TMEM117: variants seen among roughly 807,000 people sequenced by gnomAD.
The protein encoded by TMEM117 is transmembrane protein 117.
TMEM117 carries 27 observed loss-of-function variants against 52.4 expected under a neutral mutation model. That is an observed-to-expected ratio of 0.51 (90% CI 0.38 to 0.71). The LOEUF is 0.71. Among genes scored for constraint, TMEM117 ranks in the 30% least tolerant of loss-of-function variants. The pLI, the probability that TMEM117 is intolerant of heterozygous loss-of-function variation, is 0.00. For synonymous variants in TMEM117, 215 were observed against 206.3 expected, an observed-to-expected ratio of 1.04 and a Z score of -0.36; for missense variants, 556 against 630.5, an observed-to-expected ratio of 0.88 and a Z score of 1.26.
chr12:43,938,626 T>C (rs1944992330), intron 2 of TMEM117, among the ~76,000 whole-genome samples: 1 of 152,190 alleles, frequency 6.6e-6, no homozygotes, highest in South Asian at 2.1e-4. Context: ...CAGGCTTTGC[T>C]TGAAGTCATT....
chr12:43,996,918 CAGTA>C (rs1338877647), intron 3 of TMEM117, among the ~76,000 whole-genome samples: 1 of 152,044 alleles, frequency 6.6e-6, no homozygotes, highest in Non-Finnish European at 1.5e-5. Flanking sequence ...TTGTTGGTGT[CAGTA>C]AGAGGAAATT....
At position 44,389,211 on chromosome 12, in the gene TMEM117, T is replaced by C. The variant is rs546893777; in HGVS notation, c.*539T>C. Reference sequence around the variant, plus strand: ...GCAGAGAAACATGGTGATCACCTTTTAATTTTTATTGGCTGTCTGCCAAAT... The same window carrying C: ...GCAGAGAAACATGGTGATCACCTTTCAATTTTTATTGGCTGTCTGCCAAAT... On this transcript the variant is annotated 3_prime_UTR_variant, in exon 8 of 8. Transcript: ENST00000266534. The C allele has an allele frequency of 4.5e-5, 7 of 154,854 alleles. No individual in the cohort carries two copies. Among genetic ancestry groups the C allele is most frequent in the African/African-American group, 1.7e-4 (7 of 41,574 alleles). 9.6% of individuals were successfully genotyped at this position (154,854 alleles called of 1,614,324 possible).
chr12:44,241,470 G>T (rs1233770263), intron 5 of TMEM117, among the ~76,000 whole-genome samples: 1 of 151,898 alleles, frequency 6.6e-6, no homozygotes, highest in Non-Finnish European at 1.5e-5. Flanking sequence ...ATTATTTGGT[G>T]ATAGTGGACA....
intron 3 of TMEM117, among the ~76,000 whole-genome samples, chr12:44,028,556 G>A (rs916201309): frequency 3.3e-5 from 5 of 152,166 alleles, no homozygotes; most frequent in African/African-American, 1.2e-4. Context: ...CCACTAGAGT[G>A]GCCTCGGTCG....
Position 44,084,413 on chromosome 12 carries a change from A to G in TMEM117, c.411-59112A>G, listed in dbSNP as rs564962802. Among the ~76,000 whole-genome samples the G allele has an allele frequency of 1.3e-4, 20 of 152,264 alleles. No homozygotes were observed. In the South Asian group the frequency reaches 4.2e-3, roughly 32 times the overall value. On this transcript the variant is annotated intron_variant, in intron 3 of 7. Transcript: ENST00000266534. The stretch of plus-strand genomic sequence containing the variant: ...ATCATTATGCCATTATCAATATAAC[A>G]TACTATCGATAAAAAGGTACTTAAA...
chr12:43,915,683 C>T (rs1944589505), intron 2 of TMEM117, among the ~76,000 whole-genome samples: 1 of 149,040 alleles, frequency 6.7e-6, no homozygotes, highest in African/African-American at 2.5e-5. Flanking sequence ...AGGCTTGTTT[C>T]TATTATTAAA....
chr12:43,818,472 G>A, the TMEM117 span, among the ~76,000 whole-genome samples: 9 of 149,372 alleles, frequency 6.0e-5, no homozygotes, highest in East Asian at 2.0e-4. Context: ...ATGGAATCGC[G>A]CTCTGTCGCC....
At position 43,836,741 on chromosome 12, in the gene TMEM117, C is replaced by A. The variant is rs143678707; in HGVS notation, c.-29+545C>A. ...TTCATTCCTATTTTTGAAAATGCCA[C>A]AGGCCCACAAGTGTGTTCTACCCTC... On this transcript the variant is annotated intron_variant, in intron 1 of 7. Coordinates refer to ENST00000266534, the MANE Select transcript of TMEM117 (RefSeq NM_032256.3). Among the ~76,000 whole-genome samples the A allele has an allele frequency of 1.1e-3, 167 of 152,130 alleles. 1 individual carries two copies. The highest frequency in any genetic ancestry group is 3.6e-3 in the African/African-American group (150 of 41,488).
chr12:43,987,195 C>T (rs969298675), intron 3 of TMEM117, among the ~76,000 whole-genome samples: 3 of 152,184 alleles, frequency 2.0e-5, no homozygotes, highest in Non-Finnish European at 2.9e-5. Flanking sequence ...GTGTGGAACA[C>T]ACACCAAGAA....
At chr12:44,192,035 G>A (rs571283549) in intron 4 of TMEM117, among the ~76,000 whole-genome samples, 39 of 152,246 alleles carry the variant, frequency 2.6e-4, no homozygotes, top group Admixed American at 1.3e-3. Context: ...TAAATTTAAT[G>A]TATAAGGGTA....
chr12:43,921,757 G>A (rs1416311224), intron 2 of TMEM117, among the ~76,000 whole-genome samples: 1 of 152,124 alleles, frequency 6.6e-6, no homozygotes, highest in African/African-American at 2.4e-5. Context: ...GGAAGGAAAA[G>A]TTTTTATGTT....
At chr12:44,338,876 A>G (rs1292672063) in intron 6 of TMEM117, among the ~76,000 whole-genome samples, 9 of 152,086 alleles carry the variant, frequency 5.9e-5, no homozygotes, top group African/African-American at 1.4e-4. Flanking sequence ...GGCAAAATTC[A>G]TTTTGAAATT....
intron 4 of TMEM117, among the ~76,000 whole-genome samples, chr12:44,152,630 CAT>C (rs1244349476): frequency 3.3e-5 from 4 of 120,076 alleles, no homozygotes; most frequent in South Asian, 2.5e-4. Flanking sequence ...ATATTTATAT[CAT>C]ATATAAATTT....
intron 2 of TMEM117, among the ~76,000 whole-genome samples, chr12:43,915,600 C>G (rs1163371183): frequency 6.6e-6 from 1 of 152,138 alleles, no homozygotes; most frequent in African/African-American, 2.4e-5. Flanking sequence ...TAGTCCCAGG[C>G]CAGTGACTAT....
At chr12:44,365,490 C>A (rs1254120240) in intron 6 of TMEM117, among the ~76,000 whole-genome samples, 1 of 152,002 alleles carries the variant, frequency 6.6e-6, no homozygotes, top group Non-Finnish European at 1.5e-5. Context: ...CAAAAGAAGT[C>A]TTTTCAATCA....
chr12:43,806,152 T>G, the TMEM117 span: 1 of 1,399,674 alleles, frequency 7.1e-7, no homozygotes, highest in Non-Finnish European at 9.7e-7. Flanking sequence ...CTGCCGGTCC[T>G]GCAGCCCTCC....
At chr12:44,213,792 G>C (rs1949678558) in intron 5 of TMEM117, among the ~76,000 whole-genome samples, 1 of 152,168 alleles carries the variant, frequency 6.6e-6, no homozygotes, top group Non-Finnish European at 1.5e-5. Flanking sequence ...GTGATTGTAA[G>C]TTTTCTGACG....
intron 3 of TMEM117, among the ~76,000 whole-genome samples, chr12:44,134,033 A>G (rs909330848): frequency 1.3e-5 from 2 of 152,110 alleles, no homozygotes; most frequent in Admixed American, 6.6e-5. Flanking sequence ...CCTTTATTTT[A>G]TCTTTTCAAC....
chr12:44,039,053 A>G (rs976544299), intron 3 of TMEM117, among the ~76,000 whole-genome samples: 9 of 152,312 alleles, frequency 5.9e-5, no homozygotes, highest in African/African-American at 2.2e-4. Flanking sequence ...GTTTCTTTTG[A>G]TAAACAAAAG....
Sources: gnomAD v4.1 joint callset for allele counts (sites outside exome capture counted in the v4.1 genomes callset) on GRCh38, gnomAD v4.1.1 for gene constraint, MANE v1.5 for transcripts, NCBI Gene and HGNC (gene_info 2026-07-23, HGNC 2026-07-21) for gene names.